SLC24A2: variants seen among roughly 807,000 people sequenced by gnomAD.
SLC24A2 encodes solute carrier family 24 member 2.
Under a neutral mutation model 62.0 loss-of-function variants are expected in SLC24A2, and 36 were observed. The observed-to-expected ratio is 0.58, with a 90% confidence interval of 0.44 to 0.77. The LOEUF is 0.77. SLC24A2 is among the 30% of genes least tolerant of loss of function. SLC24A2 has a pLI of 0.00. For synonymous variants in SLC24A2, 358 were observed against 294.0 expected (o/e 1.22, Z -2.23); for missense variants, 846 against 817.9 (o/e 1.03, Z -0.42).
chr9:20,245,305 T>G, the SLC24A2 span, among the ~76,000 whole-genome samples: 3 of 152,188 alleles, frequency 2.0e-5, no homozygotes, highest in African/African-American at 7.2e-5. Flanking sequence ...GGAGCAGTTA[T>G]TTCCACAGAA....
At chr9:19,576,867 T>C (rs1345044741) in intron 6 of SLC24A2, 57 bp downstream of exon 6, 6 of 1,334,324 alleles carry the variant, frequency 4.5e-6, no homozygotes, top group Non-Finnish European at 6.5e-6. Flanking sequence ...GTCCTGACTC[T>C]CTGCTCCCCT....
chr9:20,307,828 G>A, the SLC24A2 span, among the ~76,000 whole-genome samples: 1 of 152,284 alleles, frequency 6.6e-6, no homozygotes, highest in East Asian at 1.9e-4. Context: ...TTCTCCCAGG[G>A]AAGGAGGGAC....
chr9:19,536,025 G>A (rs1053527427), intron 8 of SLC24A2, among the ~76,000 whole-genome samples: 1 of 151,872 alleles, frequency 6.6e-6, no homozygotes, highest in African/African-American at 2.4e-5. Flanking sequence ...CTTGAGCAGT[G>A]GTTTGCAGTT....
the SLC24A2 span, among the ~76,000 whole-genome samples, chr9:20,054,465 TA>T: frequency 2.6e-5 from 4 of 152,236 alleles, no homozygotes; most frequent in Non-Finnish European, 4.4e-5. Context: ...GTGCTGGAAT[TA>T]CAGGCGTGAG....
chr9:19,993,582 C>G, the SLC24A2 span, among the ~76,000 whole-genome samples: 3 of 152,132 alleles, frequency 2.0e-5, no homozygotes, highest in African/African-American at 7.2e-5. Flanking sequence ...TTATAGAGTA[C>G]CTGCTACTAT....
chr9:19,703,153 C>G (rs918110520), intron 2 of SLC24A2, among the ~76,000 whole-genome samples: 2 of 152,076 alleles, frequency 1.3e-5, no homozygotes, highest in African/African-American at 2.4e-5. Flanking sequence ...GATACAAACT[C>G]TACATTGAGA....
chr9:20,097,783 C>T, the SLC24A2 span, among the ~76,000 whole-genome samples: 3 of 121,322 alleles, frequency 2.5e-5, no homozygotes, highest in African/African-American at 6.1e-5. Flanking sequence ...TGCTCTGTCA[C>T]CCAGGCTGGA....
At chr9:19,534,380 TAAG>T (rs1833856686) in intron 8 of SLC24A2, among the ~76,000 whole-genome samples, 1 of 152,178 alleles carries the variant, frequency 6.6e-6, no homozygotes. Context: ...AAATACACTT[TAAG>T]TTCTTGGGTA....
In SLC24A2 at chr9:19,588,149, T is replaced by A. The variant is rs145846810; in HGVS notation, c.1129+9080A>T. Among the ~76,000 whole-genome samples the A allele has an allele frequency of 2.7e-4, 40 of 150,830 alleles. 1 individual carries two copies. Among genetic ancestry groups the A allele is most frequent in the Non-Finnish European group, 5.4e-4 (37 of 67,958 alleles). The stretch of plus-strand genomic sequence containing the variant: ...TCTGAAGCAGTAATGTGGCTAGTAC[T>A]GGTTCAATACAGTTTTTTTTCTTTT... On this transcript the variant is annotated intron_variant, in intron 5 of 10. Coordinates refer to ENST00000341998, the MANE Select transcript of SLC24A2 (RefSeq NM_020344.4).
chr9:20,273,869 T>A, the SLC24A2 span, among the ~76,000 whole-genome samples: 1 of 152,210 alleles, frequency 6.6e-6, no homozygotes, highest in African/African-American at 2.4e-5. Flanking sequence ...TTTTACCCAT[T>A]TCTTTGGGTC....
intron 2 of SLC24A2, among the ~76,000 whole-genome samples, chr9:19,717,946 A>G (rs1820905159): frequency 6.6e-6 from 1 of 151,954 alleles, no homozygotes; most frequent in African/African-American, 2.4e-5. Flanking sequence ...ATGTCTAAAG[A>G]CAAATATAAT....
At chr9:20,039,783 T>A in the SLC24A2 span, among the ~76,000 whole-genome samples, 3 of 152,052 alleles carry the variant, frequency 2.0e-5, no homozygotes, top group African/African-American at 7.2e-5. Context: ...CTCTCCCATA[T>A]CAGGAAAGAG....
the SLC24A2 span, among the ~76,000 whole-genome samples, chr9:19,908,832 A>G: frequency 1.9e-4 from 29 of 152,184 alleles, no homozygotes; most frequent in South Asian, 6.2e-4. Flanking sequence ...TCAGGAAACA[A>G]CAGGTGCTGG....
At chr9:20,188,415 G>T in the SLC24A2 span, among the ~76,000 whole-genome samples, 1 of 152,182 alleles carries the variant, frequency 6.6e-6, no homozygotes, top group Non-Finnish European at 1.5e-5. Context: ...ATCATTGCAG[G>T]AGCCAAAGGT....
chr9:19,756,772 G>A (rs916847904), intron 2 of SLC24A2, among the ~76,000 whole-genome samples: 3 of 151,974 alleles, frequency 2.0e-5, no homozygotes, highest in African/African-American at 4.8e-5. Context: ...CACTTCAATC[G>A]GAAAAAGATG....
chr9:19,648,873 G>A (rs528122882), intron 2 of SLC24A2, among the ~76,000 whole-genome samples: 1 of 152,036 alleles, frequency 6.6e-6, no homozygotes, highest in East Asian at 1.9e-4. Flanking sequence ...GATCCAGAAA[G>A]CTAGAATAGG....
intron 2 of SLC24A2, among the ~76,000 whole-genome samples, chr9:19,742,620 G>C (rs1821713551): frequency 6.6e-6 from 1 of 152,066 alleles, no homozygotes; most frequent in Non-Finnish European, 1.5e-5. Flanking sequence ...TGTATAATAA[G>C]TGGCAAAAGA....
the SLC24A2 span, among the ~76,000 whole-genome samples, chr9:20,261,731 A>ATTTTTTT: frequency 1.2e-4 from 11 of 89,474 alleles, no homozygotes; most frequent in African/African-American, 4.2e-4. Context: ...AAAACACCAA[A>ATTTTTTT]TCTTTTTTTT....
chr9:20,161,762 A>G, the SLC24A2 span, among the ~76,000 whole-genome samples: 6 of 104,158 alleles, frequency 5.8e-5, no homozygotes, highest in East Asian at 2.3e-3. Flanking sequence ...GAAGATACAC[A>G]CACACACACA....
Sources: gnomAD v4.1 joint callset for allele counts (sites outside exome capture counted in the v4.1 genomes callset) on GRCh38, gnomAD v4.1.1 for gene constraint, MANE v1.5 for transcripts, NCBI Gene and HGNC (gene_info 2026-07-23, HGNC 2026-07-21) for gene names.